The following VPS13A variants were observed in gnomAD, a reference collection of about 807,000 sequenced individuals.
VPS13A encodes vacuolar protein sorting 13 homolog A.
A neutral mutation model predicts 390.9 loss-of-function variants in VPS13A; 264 were observed. The ratio of observed to expected loss-of-function variants is 0.68; its 90% CI spans 0.61 to 0.75. The LOEUF (loss-of-function observed/expected upper bound fraction) is 0.75, where lower values mean the gene tolerates loss of function less well. VPS13A is among the 30% of genes least tolerant of loss of function. The pLI is 0.00. For missense variants in VPS13A, 3,409 were observed against 3,733.9 expected (o/e 0.91, Z 2.27); for synonymous variants, 1,231 against 1,227.1 (o/e 1.00, Z -0.07).
At chr9:77,242,573 C>T (rs2022446) in intron 19 of VPS13A, among the ~76,000 whole-genome samples, 15,493 of 151,882 alleles carry the variant, frequency 0.1, 818 homozygotes, top group Middle Eastern at 0.12. Flanking sequence ...TCTGGGAATT[C>T]CATTCCTAGT....
rs1402927074 is a variant in VPS13A, at chr9:77,211,458, G to A, written c.555+783G>A. On this transcript the variant is annotated intron_variant, in intron 7 of 71. Transcript: ENST00000360280. ...AAAATTCATTCAGTTTAACTGCTGT[G>A]TATTTCATTGCATGATTTTATTTGT... 2.6e-5 allele frequency: 4 copies of A among 152,032 alleles called. No homozygotes were observed. In the East Asian group the frequency reaches 7.7e-4, roughly 29 times the overall value. The allele number at this position is 152,032 out of a possible 1,614,324, so 9.4% of individuals were successfully genotyped here. A position where few individuals can be genotyped will look rare whatever the true frequency, so the allele number is the denominator to read the frequency against.
intron 3 of VPS13A, among the ~76,000 whole-genome samples, chr9:77,204,331 G>A (rs1456587944): frequency 6.6e-6 from 1 of 152,012 alleles, no homozygotes; most frequent in African/African-American, 2.4e-5. Flanking sequence ...AAACTAGAGT[G>A]AGTAGTATAA....
intron 33 of VPS13A, among the ~76,000 whole-genome samples, chr9:77,298,680 G>A (rs1260414156): frequency 1.3e-5 from 2 of 152,076 alleles, no homozygotes; most frequent in Non-Finnish European, 2.9e-5. Context: ...ATAATAGAGA[G>A]GTGATATAGT....
chr9:77,259,115 G>T (rs1048633502), intron 22 of VPS13A, among the ~76,000 whole-genome samples: 1 of 152,122 alleles, frequency 6.6e-6, no homozygotes, highest in Non-Finnish European at 1.5e-5. Flanking sequence ...TTATAATATT[G>T]TGAGCAGTAT....
intron 59 of VPS13A, among the ~76,000 whole-genome samples, chr9:77,362,943 A>T (rs1034013282): frequency 1.3e-5 from 2 of 151,848 alleles, no homozygotes; most frequent in Admixed American, 6.6e-5. Context: ...AATGCAGTTG[A>T]TTTTTTTATA....
chr9:77,304,219 C>T (rs959964507), intron 34 of VPS13A, among the ~76,000 whole-genome samples: 9 of 150,252 alleles, frequency 6.0e-5, no homozygotes, highest in African/African-American at 1.0e-4. Flanking sequence ...TAACAAGGCA[C>T]GTCCTGCACA....
intron 31 of VPS13A, among the ~76,000 whole-genome samples, chr9:77,284,713 T>A (rs1175094956): frequency 6.6e-6 from 1 of 152,012 alleles, no homozygotes; most frequent in Non-Finnish European, 1.5e-5. Context: ...TTTTATTTTT[T>A]TATTTTTTTT....
chr9:77,328,482 A>G (rs561936081), intron 45 of VPS13A, among the ~76,000 whole-genome samples: 1 of 152,328 alleles, frequency 6.6e-6, no homozygotes, highest in East Asian at 1.9e-4. Context: ...GAAGCTAAGC[A>G]TTGACTTCCC....
chr9:77,202,251 C>G (rs1825372520), intron 3 of VPS13A, among the ~76,000 whole-genome samples: 1 of 152,098 alleles, frequency 6.6e-6, no homozygotes, highest in Non-Finnish European at 1.5e-5. Context: ...GAATTCTATC[C>G]TCCCCACTCC....
At chr9:77,365,359 C>G in intron 59 of VPS13A, 101 bp from the exon 60 acceptor site, 1 of 752,238 alleles carries the variant, frequency 1.3e-6, no homozygotes, top group Admixed American at 2.1e-5. Context: ...AATGTTGAGT[C>G]TGGATCTTAT....
intron 68 of VPS13A, chr9:77,383,049 A>T: frequency 1.0e-6 from 1 of 984,414 alleles, no homozygotes. Context: ...TACTCATGGT[A>T]GCAATAAACT....
intron 68 of VPS13A, chr9:77,383,037 G>C (rs768070184): frequency 1.5e-5 from 15 of 984,944 alleles, no homozygotes; most frequent in Admixed American, 6.2e-5. Flanking sequence ...TAGGCTTGCA[G>C]ATACTCATGG....
chr9:77,277,432 C>T (rs925789244), intron 26 of VPS13A, among the ~76,000 whole-genome samples: 1 of 152,166 alleles, frequency 6.6e-6, no homozygotes, highest in Admixed American at 6.5e-5. Context: ...ACTGACACAT[C>T]GTAATTACCA....
At chr9:77,217,644 C>G (rs1046602092) in intron 10 of VPS13A, among the ~76,000 whole-genome samples, 2 of 152,142 alleles carry the variant, frequency 1.3e-5, no homozygotes, top group Non-Finnish European at 2.9e-5. Context: ...ATGTGATTTT[C>G]TTCTTTTTTT....
intron 5 of VPS13A, among the ~76,000 whole-genome samples, chr9:77,208,702 A>G (rs1825810652): frequency 6.6e-6 from 1 of 151,962 alleles, no homozygotes; most frequent in African/African-American, 2.4e-5. Flanking sequence ...GGCATGGACC[A>G]CCATACCTGC....
At chr9:77,211,911 A>G (rs1825993948) in intron 7 of VPS13A, among the ~76,000 whole-genome samples, 1 of 152,128 alleles carries the variant, frequency 6.6e-6, no homozygotes, top group Non-Finnish European at 1.5e-5. Flanking sequence ...GCTCTGTCAG[A>G]TCAGAGGTGG....
At chr9:77,388,004 A>C (rs1833758904) in intron 68 of VPS13A, among the ~76,000 whole-genome samples, 1 of 152,184 alleles carries the variant, frequency 6.6e-6, no homozygotes. Flanking sequence ...AAGGACCAGA[A>C]ACAACCATCC....
intron 7 of VPS13A, among the ~76,000 whole-genome samples, chr9:77,212,481 T>C (rs1345635886): frequency 1.3e-5 from 2 of 152,136 alleles, no homozygotes; most frequent in Non-Finnish European, 2.9e-5. Context: ...GCTCCTGCCA[T>C]GCCCTCTCAA....
chr9:77,407,614 A>G lies in VPS13A; in HGVS notation c.9474+7A>G. On this transcript the variant is annotated splice_region_variant and intron_variant, in intron 71 of 71. Coordinates refer to ENST00000360280, the MANE Select transcript of VPS13A (RefSeq NM_033305.3). ...GACCCCAGAGGATGCCAGGGTAAAT[A>G]TAATAAATCTTTTATTTAAATAGGA... The G allele has an allele frequency of 1.2e-6, 2 of 1,601,864 alleles. No homozygotes were observed. The highest frequency in any genetic ancestry group is 1.7e-6 in the Non-Finnish European group (2 of 1,169,314).
Sources: gnomAD v4.1 joint callset for allele counts (sites outside exome capture counted in the v4.1 genomes callset) on GRCh38, gnomAD v4.1.1 for gene constraint, MANE v1.5 for transcripts, NCBI Gene and HGNC (gene_info 2026-07-23, HGNC 2026-07-21) for gene names.